NEDD4: variants seen among roughly 807,000 people sequenced by gnomAD.
NEDD4 encodes NEDD4 E3 ubiquitin protein ligase.
NEDD4 carries 99 observed loss-of-function variants against 144.9 expected under a neutral mutation model. The observed-to-expected ratio is 0.68, with a 90% confidence interval of 0.58 to 0.81. The LOEUF (loss-of-function observed/expected upper bound fraction) is 0.81, where lower values mean the gene tolerates loss of function less well. Among genes scored for constraint, NEDD4 ranks in the 30% least tolerant of loss-of-function variants. The pLI, the probability that NEDD4 is intolerant of heterozygous loss-of-function variation, is 0.00. For synonymous variants in NEDD4, 318 were observed against 350.6 expected (o/e 0.91, Z 1.04); for missense variants, 985 against 1,065.9 (o/e 0.92, Z 1.06).
chr15:55,957,293 T>C (rs2142313700), intron 2 of NEDD4, among the ~76,000 whole-genome samples: 1 of 152,342 alleles, frequency 6.6e-6, no homozygotes, highest in East Asian at 1.9e-4. Flanking sequence ...TTTTTTTCTT[T>C]GCCATACTAC....
At chr15:55,927,077 C>CAAAAAAAAAAAAAAAAAAAAAAAAA (rs57940091) in intron 4 of NEDD4, among the ~76,000 whole-genome samples, 1 of 70,670 alleles carries the variant, frequency 1.4e-5, no homozygotes, top group Non-Finnish European at 2.7e-5. Flanking sequence ...GACTACGTCT[C>CAAAAAAAAAAAAAAAAAAAAAAAAA]AAAAAAAAAA....
intron 21 of NEDD4, among the ~76,000 whole-genome samples, chr15:55,840,000 ATATATATATATATATATATATAT>A (rs2033419516): frequency 1.5e-4 from 2 of 13,418 alleles, no homozygotes; most frequent in African/African-American, 3.4e-4. Context: ...AAAAAAAAAA[ATATATATATATATATATATATAT>A]ATATATATAT....
intron 5 of NEDD4, among the ~76,000 whole-genome samples, chr15:55,892,700 T>C (rs1395440668): frequency 6.6e-6 from 1 of 152,154 alleles, no homozygotes; most frequent in Admixed American, 6.5e-5. Context: ...GTGATAGCTG[T>C]TTTATTTTTG....
chr15:55,983,704 C>T (rs988912266), intron 1 of NEDD4, among the ~76,000 whole-genome samples: 9 of 151,568 alleles, frequency 5.9e-5, no homozygotes, highest in African/African-American at 9.7e-5. Context: ...CCCCACCTCC[C>T]GATTCAAACA....
chr15:55,943,174 TA>T (rs2142280510), intron 4 of NEDD4, among the ~76,000 whole-genome samples: 1 of 152,276 alleles, frequency 6.6e-6, no homozygotes, highest in East Asian at 1.9e-4. Context: ...AACTGGAACT[TA>T]TATTTAAAAG....
intron 2 of NEDD4, among the ~76,000 whole-genome samples, chr15:55,964,217 T>C (rs556260473): frequency 3.9e-5 from 6 of 152,296 alleles, no homozygotes; most frequent in African/African-American, 1.4e-4. Context: ...CTTTCTGTGT[T>C]AGACTGTAAG....
At chr15:55,924,226 G>C (rs1238767666) in intron 5 of NEDD4, 1 of 159,402 alleles carries the variant, frequency 6.3e-6, no homozygotes, top group Non-Finnish European at 1.4e-5. Context: ...TGAGAGAGTG[G>C]ATAGGATGTC....
At chr15:55,916,261 TACTAC>T in intron 5 of NEDD4, 2 of 1,614,050 alleles carry the variant, frequency 1.2e-6, no homozygotes, top group Non-Finnish European at 1.7e-6. Context: ...AAAGTATAAC[TACTAC>T]TGTCACTGAT....
At chr15:55,872,035 A>G (rs2034817837) in intron 7 of NEDD4, among the ~76,000 whole-genome samples, 1 of 152,170 alleles carries the variant, frequency 6.6e-6, no homozygotes, top group Admixed American at 6.5e-5. Context: ...TATGCAAAAT[A>G]TAGTTAGGTT....
Position 55,840,441 on chromosome 15 carries a change from A to G in NEDD4, c.2031+6T>C. On this transcript the variant is annotated splice_donor_region_variant and intron_variant, in intron 21 of 28. Coordinates refer to ENST00000435532, the MANE Select transcript of NEDD4 (RefSeq NM_006154.4). ...TTCGTCTATACTATAAGTGAAAAAG[A>G]CATACCACAGATTCCATATCATGAA... is the stretch of plus-strand genomic sequence containing the variant. The G allele has an allele frequency of 6.2e-7, 1 of 1,611,458 alleles. No homozygotes were observed. The highest frequency in any genetic ancestry group is 8.5e-7 in the Non-Finnish European group (1 of 1,178,856).
intron 1 of NEDD4, among the ~76,000 whole-genome samples, chr15:55,983,533 C>A (rs1455192827): frequency 6.6e-6 from 1 of 152,016 alleles, no homozygotes; most frequent in Non-Finnish European, 1.5e-5. Context: ...CCTGCTAACT[C>A]CTATTCATCC....
chr15:55,902,760 A>C (rs532518202), intron 5 of NEDD4, among the ~76,000 whole-genome samples: 71 of 152,340 alleles, frequency 4.7e-4, no homozygotes, highest in African/African-American at 1.6e-3. Flanking sequence ...GCAGAAAACA[A>C]AGTATGTGTT....
rs377162621 is a variant in NEDD4 at position 55,898,769 on chromosome 15, G to A, written c.292-24761C>T. 2.7e-4 allele frequency among the ~76,000 whole-genome samples: 41 copies of A among 151,552 alleles called. 7 individuals are homozygous for A. Among genetic ancestry groups the A allele is most frequent in the African/African-American group, 9.4e-4 (39 of 41,310 alleles). ...CCTGCTTCAGTCCCTGAGTAGCTGGGACTATAGGCAAGCGCCACCACACCT... is the reference window on the plus strand; with the variant it reads ...CCTGCTTCAGTCCCTGAGTAGCTGGAACTATAGGCAAGCGCCACCACACCT... On this transcript the variant is annotated intron_variant, in intron 5 of 28. Transcript: ENST00000435532.
At chr15:55,853,035 G>A (rs1193694013) in intron 12 of NEDD4, among the ~76,000 whole-genome samples, 1 of 152,130 alleles carries the variant, frequency 6.6e-6, no homozygotes, top group Non-Finnish European at 1.5e-5. Context: ...ACAGGCATGA[G>A]CCACTGTGCC....
At chr15:55,976,522 A>G (rs1323626195) in intron 1 of NEDD4, among the ~76,000 whole-genome samples, 2 of 152,192 alleles carry the variant, frequency 1.3e-5, no homozygotes, top group Admixed American at 1.3e-4. Flanking sequence ...CTACAATGAG[A>G]TATCATCTCA....
At chr15:55,915,244 T>C (rs1487944035) in intron 5 of NEDD4, 2 of 1,486,038 alleles carry the variant, frequency 1.3e-6, no homozygotes, top group East Asian at 2.3e-5. Context: ...TAAGTTATTC[T>C]CATATAAATT....
chr15:55,977,435 A>C (rs2037724431), intron 1 of NEDD4, among the ~76,000 whole-genome samples: 1 of 152,246 alleles, frequency 6.6e-6, no homozygotes, highest in African/African-American at 2.4e-5. Flanking sequence ...CACAATGATG[A>C]AATTGCCTAA....
At chr15:55,900,220 G>C (rs1190084884) in intron 5 of NEDD4, among the ~76,000 whole-genome samples, 2 of 152,164 alleles carry the variant, frequency 1.3e-5, no homozygotes, top group Non-Finnish European at 2.9e-5. Flanking sequence ...GTGACAACAG[G>C]TGCGCTGCAT....
intron 1 of NEDD4, among the ~76,000 whole-genome samples, chr15:55,989,090 G>C (rs1259940184): frequency 6.6e-6 from 1 of 152,056 alleles, no homozygotes; most frequent in African/African-American, 2.4e-5. Context: ...ACAAAAATTA[G>C]CTGGGCGTGG....
Sources: allele counts gnomAD v4.1 joint callset (sites outside exome capture counted in the v4.1 genomes callset), GRCh38; gene constraint gnomAD v4.1.1; transcripts MANE v1.5; gene names NCBI Gene and HGNC (gene_info 2026-07-23, HGNC 2026-07-21).